Variants in ATRNL1 observed in about 807,000 individuals in gnomAD.
The protein encoded by ATRNL1 is attractin-like protein 1.
ATRNL1 carries 95 observed loss-of-function variants against 182.7 expected under a neutral mutation model. The observed-to-expected ratio is 0.52, with a 90% CI of 0.44 to 0.62. The LOEUF (loss-of-function observed/expected upper bound fraction) is 0.62, where lower values mean the gene tolerates loss of function less well. Among genes scored for constraint, ATRNL1 ranks in the 20% least tolerant of loss-of-function variants. The pLI, the probability that ATRNL1 is intolerant of heterozygous loss-of-function variation, is 0.00. For missense variants in ATRNL1, 1,471 were observed against 1,679.5 expected (o/e 0.88, Z 2.17); for synonymous variants, 576 against 568.3 (o/e 1.01, Z -0.19).
chr10:115,737,124 A>G (rs1947974554), intron 27 of ATRNL1, among the ~76,000 whole-genome samples: 3 of 152,000 alleles, frequency 2.0e-5, no homozygotes, highest in Admixed American at 6.6e-5. Context: ...TCAGCAATGC[A>G]TTAAAAGGTA....
At chr10:115,534,035 A>G (rs1397550320) in intron 25 of ATRNL1, among the ~76,000 whole-genome samples, 1 of 151,226 alleles carries the variant, frequency 6.6e-6, no homozygotes, top group East Asian at 1.9e-4. Flanking sequence ...TATGTGGTCA[A>G]TTTTGGAATA....
intron 1 of ATRNL1, among the ~76,000 whole-genome samples, chr10:115,109,290 T>G (rs1440771494): frequency 6.6e-6 from 1 of 152,216 alleles, no homozygotes; most frequent in African/African-American, 2.4e-5. Flanking sequence ...AGTTTTGTGC[T>G]GCTATAACAG....
chr10:115,799,278 A>G (rs1949735411), intron 27 of ATRNL1, among the ~76,000 whole-genome samples: 1 of 152,234 alleles, frequency 6.6e-6, no homozygotes, highest in Non-Finnish European at 1.5e-5. Flanking sequence ...AAATTCTACA[A>G]TAACACACCT....
chr10:115,422,829 A>C (rs1428032007), intron 20 of ATRNL1, among the ~76,000 whole-genome samples: 2 of 152,166 alleles, frequency 1.3e-5, no homozygotes, highest in Non-Finnish European at 2.9e-5. Flanking sequence ...TGTACATACG[A>C]ACATAAAGAA....
chr10:115,310,862 T>A (rs1853982285), intron 17 of ATRNL1, among the ~76,000 whole-genome samples: 1 of 152,182 alleles, frequency 6.6e-6, no homozygotes, highest in African/African-American at 2.4e-5. Flanking sequence ...TGGCTTTGGA[T>A]TTGGTTTGTT....
At chr10:115,830,333 CT>C (rs1555093247) in intron 27 of ATRNL1, among the ~76,000 whole-genome samples, 1 of 152,192 alleles carries the variant, frequency 6.6e-6, no homozygotes, top group African/African-American at 2.4e-5. Context: ...TGATGCATCT[CT>C]TCAGTAGAAA....
chr10:115,677,506 C>A (rs542437510), intron 26 of ATRNL1, among the ~76,000 whole-genome samples: 3 of 152,120 alleles, frequency 2.0e-5, no homozygotes, highest in Admixed American at 6.6e-5. Flanking sequence ...GGGGGCTTGT[C>A]TTTCCCATGC....
At chr10:115,530,215 T>G (rs1180041440) in intron 25 of ATRNL1, among the ~76,000 whole-genome samples, 1 of 152,202 alleles carries the variant, frequency 6.6e-6, no homozygotes, top group Non-Finnish European at 1.5e-5. Flanking sequence ...TGGATATATA[T>G]TTTCATTTCT....
rs549609380 is a variant in ATRNL1 at position 115,602,577 on chromosome 10, A to G, written c.3795+53041A>G. 2.6e-5 allele frequency among the ~76,000 whole-genome samples: 4 copies of G among 152,254 alleles called. No individual in the cohort carries two copies. The East Asian group carries it at 7.8e-4, about 30-fold the overall frequency. On this transcript the variant is annotated intron_variant, in intron 26 of 28. Transcript: ENST00000355044. ...GGCCTGCCCCTCACTTGAAATAGCA[A>G]TCATGGCCGGGCGCAGTGGCTCATG...
At chr10:115,579,480 C>G (rs991376175) in intron 26 of ATRNL1, among the ~76,000 whole-genome samples, 1 of 151,816 alleles carries the variant, frequency 6.6e-6, no homozygotes, top group Admixed American at 6.6e-5. Flanking sequence ...CGTTGACCTT[C>G]TTTGTCACTT....
At chr10:115,572,652 G>T (rs560746667) in intron 26 of ATRNL1, among the ~76,000 whole-genome samples, 1 of 152,196 alleles carries the variant, frequency 6.6e-6, no homozygotes, top group Non-Finnish European at 1.5e-5. Flanking sequence ...AAGACATTTG[G>T]ATATACAAGT....
chr10:115,923,852 T>TA (rs1953140687), intron 28 of ATRNL1, among the ~76,000 whole-genome samples: 1 of 152,224 alleles, frequency 6.6e-6, no homozygotes, highest in Admixed American at 6.5e-5. Flanking sequence ...ATGGTTGAAC[T>TA]AATGTACATT....
intron 27 of ATRNL1, among the ~76,000 whole-genome samples, chr10:115,815,383 T>G (rs951165907): frequency 6.6e-6 from 1 of 150,926 alleles, no homozygotes; most frequent in Non-Finnish European, 1.5e-5. Flanking sequence ...CCACCACAGA[T>G]CAACACATCC....
intron 27 of ATRNL1, among the ~76,000 whole-genome samples, chr10:115,772,580 C>G (rs1949018187): frequency 8.7e-6 from 1 of 115,412 alleles, no homozygotes; most frequent in African/African-American, 3.0e-5. Context: ...TATAAATATA[C>G]AAAATATATA....
At chr10:115,927,941 A>G (rs1341657017) in intron 28 of ATRNL1, among the ~76,000 whole-genome samples, 1 of 152,112 alleles carries the variant, frequency 6.6e-6, no homozygotes, top group African/African-American at 2.4e-5. Flanking sequence ...TCAGTACTTG[A>G]AAAAGTCTAA....
intron 24 of ATRNL1, among the ~76,000 whole-genome samples, chr10:115,498,487 G>A (rs1849660781): frequency 6.6e-6 from 1 of 151,902 alleles, no homozygotes; most frequent in South Asian, 2.1e-4. Flanking sequence ...GTTAATTAAT[G>A]GAAACCTATG....
At chr10:115,415,421 G>A (rs1202679276) in intron 20 of ATRNL1, among the ~76,000 whole-genome samples, 17 of 151,224 alleles carry the variant, frequency 1.1e-4, no homozygotes, top group Admixed American at 1.1e-3. Context: ...ATGAATTAGG[G>A]ATTATAGCTC....
At chr10:115,873,983 A>T (rs1589633268) in intron 28 of ATRNL1, among the ~76,000 whole-genome samples, 2 of 152,206 alleles carry the variant, frequency 1.3e-5, no homozygotes, top group African/African-American at 4.8e-5. Context: ...ACTAGGAATT[A>T]CTCAAGACAG....
chr10:115,189,686 T>TA, intron 8 of ATRNL1, among the ~76,000 whole-genome samples: 1 of 152,234 alleles, frequency 6.6e-6, no homozygotes, highest in East Asian at 1.9e-4. Context: ...GTTAAAAAAT[T>TA]AAAAAGTTTA....
Sources: allele counts gnomAD v4.1 joint callset (sites outside exome capture counted in the v4.1 genomes callset), GRCh38; gene constraint gnomAD v4.1.1; transcripts MANE v1.5; gene names NCBI Gene and HGNC (gene_info 2026-07-23, HGNC 2026-07-21).